NPAS3: variants seen among roughly 807,000 people sequenced by gnomAD.
The protein encoded by NPAS3 is neuronal PAS domain-containing protein 3.
NPAS3 carries 14 observed loss-of-function variants against 73.1 expected under a neutral mutation model. That is an observed-to-expected ratio of 0.19 (90% CI 0.13 to 0.30). NPAS3 has a LOEUF of 0.30. Ranked by LOEUF, NPAS3 falls within the 10% of genes least tolerant of loss-of-function variation. NPAS3 has a pLI of 1.00. For synonymous variants in NPAS3, 620 were observed against 541.5 expected (o/e 1.14, Z -2.01); for missense variants, 1,096 against 1,250.0 (o/e 0.88, Z 1.86).
At chr14:33,373,111 T>C (rs917177234) in intron 4 of NPAS3, among the ~76,000 whole-genome samples, 1 of 152,238 alleles carries the variant, frequency 6.6e-6, no homozygotes, top group Non-Finnish European at 1.5e-5. Context: ...TAAAATTAAC[T>C]ACTGGAATGA....
chr14:33,280,313 A>T (rs537542781), intron 3 of NPAS3, among the ~76,000 whole-genome samples: 1 of 152,230 alleles, frequency 6.6e-6, no homozygotes, highest in Non-Finnish European at 1.5e-5. Context: ...AAATATGTGT[A>T]TTAAAATAAT....
intron 5 of NPAS3, among the ~76,000 whole-genome samples, chr14:33,567,357 C>G (rs1329115750): frequency 6.6e-6 from 1 of 152,192 alleles, no homozygotes; most frequent in Non-Finnish European, 1.5e-5. Context: ...ATTCCAGATT[C>G]AGAAAGTAGG....
chr14:33,253,693 A>G (rs1032145053), intron 3 of NPAS3, among the ~76,000 whole-genome samples: 1 of 152,010 alleles, frequency 6.6e-6, no homozygotes, highest in African/African-American at 2.4e-5. Flanking sequence ...GTCCTTAAAT[A>G]TAAACATGTC....
intron 4 of NPAS3, among the ~76,000 whole-genome samples, chr14:33,449,483 G>C (rs112666659): frequency 2.4e-3 from 371 of 152,182 alleles, no homozygotes; most frequent in African/African-American, 8.2e-3. Context: ...TTACATTCTA[G>C]CCCTTTACAG....
intron 1 of NPAS3, among the ~76,000 whole-genome samples, chr14:32,994,636 G>T (rs77015089): frequency 0.18 from 23,771 of 134,086 alleles, 2,857 homozygotes; most frequent in African/African-American, 0.34. Context: ...GTTTGTTTTT[G>T]TTTTTTTTTT....
At chr14:33,079,913 G>A (rs2041811551) in intron 2 of NPAS3, among the ~76,000 whole-genome samples, 1 of 151,440 alleles carries the variant, frequency 6.6e-6, no homozygotes, top group African/African-American at 2.4e-5. Context: ...GCGCCCAGTT[G>A]AATTGTACTT....
chr14:33,341,949 C>T (rs562671727), intron 3 of NPAS3, among the ~76,000 whole-genome samples: 3 of 152,114 alleles, frequency 2.0e-5, no homozygotes, highest in African/African-American at 4.8e-5. Flanking sequence ...TTTCAGTCGT[C>T]GTTTCTGGTT....
chr14:33,680,968 G>A (rs554559121), intron 6 of NPAS3: 248 of 253,072 alleles, frequency 9.8e-4, no homozygotes, highest in African/African-American at 5.1e-3. Flanking sequence ...GCTATGTCCC[G>A]AATGTTTTTA....
chr14:33,038,914 A>G (rs2040259797), intron 1 of NPAS3, among the ~76,000 whole-genome samples: 1 of 152,210 alleles, frequency 6.6e-6, no homozygotes, highest in African/African-American at 2.4e-5. Flanking sequence ...AGCTTGAACC[A>G]GGATGAAGTT....
intron 9 of NPAS3, among the ~76,000 whole-genome samples, chr14:33,787,961 G>A (rs10142789): frequency 0.44 from 67,426 of 151,980 alleles, 15,295 homozygotes; most frequent in East Asian, 0.62. Flanking sequence ...AGAAAAAAAA[G>A]GAAAGAAAGA....
At chr14:33,367,153 T>A in intron 3 of NPAS3, 33 bp from the exon 4 acceptor site, 2 of 815,486 alleles carry the variant, frequency 2.5e-6, no homozygotes, top group Non-Finnish European at 4.2e-6. Context: ...CCAACTTAAT[T>A]GTTCTGTTTT....
chr14:33,585,627 A>G (rs2056833789), intron 5 of NPAS3, among the ~76,000 whole-genome samples: 1 of 152,362 alleles, frequency 6.6e-6, no homozygotes. Flanking sequence ...GAAACAAACC[A>G]AATCAGAGAT....
At chr14:33,231,327 C>A (rs1346772925) in intron 3 of NPAS3, among the ~76,000 whole-genome samples, 1 of 152,074 alleles carries the variant, frequency 6.6e-6, no homozygotes, top group Non-Finnish European at 1.5e-5. Context: ...ATTTTAGGTT[C>A]ATATTTTTAA....
At chr14:33,009,267 C>A (rs1486226096) in intron 1 of NPAS3, among the ~76,000 whole-genome samples, 1 of 152,144 alleles carries the variant, frequency 6.6e-6, no homozygotes, top group East Asian at 1.9e-4. Flanking sequence ...AACCAAAAGA[C>A]ATCATAGTTT....
At chr14:33,043,183 TA>T (rs1392820368) in intron 1 of NPAS3, among the ~76,000 whole-genome samples, 1 of 152,156 alleles carries the variant, frequency 6.6e-6, no homozygotes, top group Non-Finnish European at 1.5e-5. Flanking sequence ...AGATTTATGA[TA>T]AGAACACATT....
At chr14:32,939,590 C>T (rs2139033434) in intron 1 of NPAS3, among the ~76,000 whole-genome samples, 1 of 144,104 alleles carries the variant, frequency 6.9e-6, no homozygotes, top group East Asian at 2.0e-4. Context: ...GCAGTCGCAC[C>T]TCCTCGGCTC....
chr14:33,799,535 T>C (rs2063617328), intron 11 of NPAS3, among the ~76,000 whole-genome samples, 199 bp from the exon 12 acceptor site: 1 of 152,202 alleles, frequency 6.6e-6, no homozygotes, highest in South Asian at 2.1e-4. Context: ...ACCATCCAGC[T>C]AACCCAGGCC....
chr14:33,668,733 C>T (rs1018757730), intron 5 of NPAS3, among the ~76,000 whole-genome samples: 11 of 152,250 alleles, frequency 7.2e-5, no homozygotes, highest in Admixed American at 3.3e-4. Flanking sequence ...ACCGGAGGAT[C>T]GCTTGAGCCC....
chr14:33,547,874 A>G (rs1325617733), intron 4 of NPAS3, among the ~76,000 whole-genome samples: 1 of 152,182 alleles, frequency 6.6e-6, no homozygotes, highest in Admixed American at 6.5e-5. Context: ...TTCTTAAATT[A>G]TTGGGACTTC....
Sources: allele counts gnomAD v4.1 joint callset (sites outside exome capture counted in the v4.1 genomes callset), GRCh38; gene constraint gnomAD v4.1.1; transcripts MANE v1.5; gene names NCBI Gene and HGNC (gene_info 2026-07-23, HGNC 2026-07-21).